Variants in P2RX1 observed in about 807,000 individuals in gnomAD.
P2RX1 encodes purinergic receptor P2X 1, also known as P2X purinoceptor 1.
Under a neutral mutation model 50.3 loss-of-function variants are expected in P2RX1, and 42 were observed. That is an observed-to-expected ratio of 0.83 (90% CI 0.65 to 1.08). P2RX1 has a LOEUF of 1.08. Ranked by LOEUF, P2RX1 falls within the 50% of genes least tolerant of loss-of-function variation. The pLI is 0.00. For synonymous variants in P2RX1, 199 were observed against 202.6 expected (o/e 0.98, Z 0.15); for missense variants, 449 against 529.0 (o/e 0.85, Z 1.48).
chr17:3,908,213 C>T (rs1324858697), intron 1 of P2RX1, among the ~76,000 whole-genome samples: 3 of 152,076 alleles, frequency 2.0e-5, no homozygotes, highest in Non-Finnish European at 2.9e-5. Flanking sequence ...GTCTTGAGGT[C>T]GAAGGGAAAG....
At chr17:3,900,909 A>G (rs1339112224) in intron 7 of P2RX1, among the ~76,000 whole-genome samples, 2 of 152,170 alleles carry the variant, frequency 1.3e-5, no homozygotes, top group Non-Finnish European at 2.9e-5. Flanking sequence ...CATTGGAGAA[A>G]GCGAAGCTCC....
intron 9 of P2RX1, 60 bp downstream of exon 9, chr17:3,898,874 G>A: frequency 7.5e-7 from 1 of 1,326,054 alleles, no homozygotes; most frequent in Admixed American, 1.7e-5. Flanking sequence ...GATGCCCAAA[G>A]GTACTCACAG....
chr17:3,911,326 C>A (rs1019081032), intron 1 of P2RX1, among the ~76,000 whole-genome samples: 14 of 151,388 alleles, frequency 9.2e-5, no homozygotes, highest in Admixed American at 3.3e-4. Context: ...TTTTTGAATA[C>A]GTCACCAATC....
chr17:3,904,026 T>G lies in P2RX1; in HGVS notation c.428-2A>C, dbSNP rs2056208244. 6.2e-7 allele frequency: 1 copy of G among 1,613,282 alleles called. No individual in the cohort carries two copies. Among genetic ancestry groups the G allele is most frequent in the Admixed American group, 1.7e-5 (1 of 59,988 alleles). On this transcript the variant is annotated splice_acceptor_variant, in intron 4 of 11. Transcript: ENST00000225538. LOFTEE classifies it high-confidence loss of function. The stretch of plus-strand genomic sequence containing the variant: ...CCACACACTTGCCCGTGCGGATGCC[T>G]GGAGCCAGAGGGAAACCCCTGGGTG...
intron 3 of P2RX1, 67 bp from the exon 4 acceptor site, chr17:3,904,466 CA>C: frequency 7.1e-7 from 1 of 1,407,432 alleles, no homozygotes; most frequent in Non-Finnish European, 9.9e-7. Context: ...CCCCTCTCCC[CA>C]CCCCCCAGGG....
At position 3,903,256 on chromosome 17, in the gene P2RX1, C is replaced by T; in HGVS notation, c.693G>A (p.Gln231=). ...KTLHPLCPVF[Q]LGYVVQESGQ... ...CTGACTCTTGCACCACGTAGCCAAG[C>T]TGGAAGACTGGGCACAGGGGGTGCA... Residue 231 remains glutamine (Q), a synonymous_variant, in exon 7 of 12, where the codon CAG becomes CAA. Coordinates refer to ENST00000225538, the MANE Select transcript of P2RX1 (RefSeq NM_002558.4). The surrounding 1 kb of genome is among the most constrained non-coding windows in gnomAD (Gnocchi z 4.6). 6.2e-7 allele frequency: 1 copy of T among 1,614,184 alleles called. No individual in the cohort carries two copies. The highest frequency in any genetic ancestry group is 1.7e-5 in the Admixed American group (1 of 60,028).
intron 1 of P2RX1, among the ~76,000 whole-genome samples, chr17:3,911,326 C>T (rs1019081032): frequency 1.3e-5 from 2 of 151,388 alleles, no homozygotes; most frequent in Admixed American, 6.6e-5. Context: ...TTTTTGAATA[C>T]GTCACCAATC....
At chr17:3,910,712 T>A (rs192576640) in intron 1 of P2RX1, among the ~76,000 whole-genome samples, 4 of 152,312 alleles carry the variant, frequency 2.6e-5, no homozygotes, top group Non-Finnish European at 4.4e-5. Flanking sequence ...GGGAGGGGCA[T>A]GAGCAGACTC....
chr17:3,909,919 G>A (rs1258061627), intron 1 of P2RX1, among the ~76,000 whole-genome samples: 2 of 149,810 alleles, frequency 1.3e-5, no homozygotes, highest in South Asian at 2.1e-4. Context: ...GTCAAACCAC[G>A]CTAAGTCCAG....
In P2RX1 at chr17:3,896,928, GGT is replaced by G. The variant is rs2056035020; in HGVS notation, c.*884_*885del. The G allele has an allele frequency of 1.3e-5, 2 of 152,528 alleles. No homozygotes were observed. Among genetic ancestry groups the G allele is most frequent in the South Asian group, 4.1e-4 (2 of 4,836 alleles). The allele number at this position is 152,528 out of a possible 1,614,324, so 9.4% of individuals were successfully genotyped here. On this transcript the variant is annotated 3_prime_UTR_variant, in exon 12 of 12. Coordinates refer to ENST00000225538, the MANE Select transcript of P2RX1 (RefSeq NM_002558.4). ...TGTGGAAGGATGCTGTGTGCACGTAGGTGGTGTGTACACTGGGTTGTGTGCAT... is the reference window on the plus strand; with the variant it reads ...TGTGGAAGGATGCTGTGTGCACGTAGGGTGTGTACACTGGGTTGTGTGCAT...
rs1597514291 is a variant in P2RX1, at chr17:3,903,061, G to C, written c.747+141C>G. 1.7e-6 allele frequency: 2 copies of C among 1,164,110 alleles called. No homozygotes were observed. Among genetic ancestry groups the C allele is most frequent in the South Asian group, 1.3e-5 (1 of 75,714 alleles). The allele number at this position is 1,164,110 out of a possible 1,614,324, so 72.1% of individuals were successfully genotyped here. A position where few individuals can be genotyped will look rare whatever the true frequency, so the allele number is the denominator to read the frequency against. On this transcript the variant is annotated intron_variant, in intron 7 of 11. Transcript: ENST00000225538. The surrounding 1 kb of genome is among the most constrained non-coding windows in gnomAD (Gnocchi z 4.6). ...TGAAGACATGGATCTGACGCTCAGG[G>C]GGCCCCAGTATCAGGGGACAGACCC...
chr17:3,901,782 A>G (rs2056151647), intron 7 of P2RX1, among the ~76,000 whole-genome samples: 1 of 152,114 alleles, frequency 6.6e-6, no homozygotes, highest in South Asian at 2.1e-4. Context: ...GAGGCACGCC[A>G]GGCACACGGC....
At chr17:3,900,466 A>T (rs1341057156) in intron 7 of P2RX1, among the ~76,000 whole-genome samples, 1 of 152,112 alleles carries the variant, frequency 6.6e-6, no homozygotes, top group Admixed American at 6.6e-5. Context: ...AAAATCAACA[A>T]CAACAAAAAA....
At chr17:3,908,051 G>C (rs1484967240) in intron 1 of P2RX1, among the ~76,000 whole-genome samples, 1 of 152,166 alleles carries the variant, frequency 6.6e-6, no homozygotes, top group Non-Finnish European at 1.5e-5. Context: ...GCGGTCTCAA[G>C]TGTCCCCATG....
intron 1 of P2RX1, among the ~76,000 whole-genome samples, chr17:3,915,037 G>A (rs565716039): frequency 9.2e-5 from 14 of 152,244 alleles, no homozygotes; most frequent in African/African-American, 3.4e-4. Context: ...AGCCTGCCCT[G>A]GACTCCATTT....
In P2RX1 at chr17:3,899,767, A is replaced by G; in HGVS notation, c.748-6T>C. On this transcript the variant is annotated splice_polypyrimidine_tract_variant and splice_region_variant and intron_variant, in intron 7 of 11. Coordinates refer to ENST00000225538, the MANE Select transcript of P2RX1 (RefSeq NM_002558.4). ...GTGATGCCAACCACTCCACCCTGCC[A>G]GGGACACAAGTAGTTAAGATCTGGG... The G allele has an allele frequency of 6.2e-7, 1 of 1,613,236 alleles. No homozygotes were observed.
chr17:3,903,318 C>G lies in P2RX1; in HGVS notation c.631G>C (p.Ala211Pro). Residue 211 changes from alanine to proline, a missense_variant, in exon 7 of 12, where the codon GCT becomes CCT. Physicochemically the swap from Ala to Pro is conservative, Grantham distance 27. Transcript: ENST00000225538. This position sits in a 1 kb window ranked among gnomAD's most constrained non-coding sequence, Gnocchi z 4.6. Reference protein sequence around the residue: ...NRRNLVEEVNAAHMKTCLFHK... With the variant: ...NRRNLVEEVNPAHMKTCLFHK... The stretch of plus-strand genomic sequence containing the variant: ...AAGAGGCAGGTCTTCATGTGGGCAG[C>G]ATTCACCTCCTCCACCAGGTTGCGC... 6.2e-7 allele frequency: 1 copy of G among 1,614,162 alleles called. No homozygotes were observed. The highest frequency in any genetic ancestry group is 8.5e-7 in the Non-Finnish European group (1 of 1,180,020).
In P2RX1 at chr17:3,903,851, G is replaced by A. The variant is rs1251802841; in HGVS notation, c.524+77C>T. ...GGGTGGGGTCAGAAAAAGGGGTAAA[G>A]ATCCTTTCTAGACCTAGGCCCCCCT... On this transcript the variant is annotated intron_variant, in intron 5 of 11. Coordinates refer to ENST00000225538, the MANE Select transcript of P2RX1 (RefSeq NM_002558.4). The surrounding 1 kb of genome is among the most constrained non-coding windows in gnomAD (Gnocchi z 4.6). The A allele has an allele frequency of 2.3e-6, 3 of 1,311,032 alleles. No individual in the cohort carries two copies. The Admixed American group carries it at 5.1e-5, about 22-fold the overall frequency. 81.2% of individuals were successfully genotyped at this position (1,311,032 alleles called of 1,614,324 possible).
chr17:3,901,272 T>C (rs1426148674), intron 7 of P2RX1, among the ~76,000 whole-genome samples: 1 of 152,242 alleles, frequency 6.6e-6, no homozygotes, highest in Non-Finnish European at 1.5e-5. Context: ...TTTCACCGTG[T>C]TAGCCAGGAT....
Sources: gnomAD v4.1 joint callset for allele counts (sites outside exome capture counted in the v4.1 genomes callset) on GRCh38, gnomAD v4.1.1 for gene constraint, Gnocchi (gnomAD v3.1) non-coding constraint, MANE v1.5 for transcripts, NCBI Gene and HGNC (gene_info 2026-07-23, HGNC 2026-07-21) for gene names.